The following GLRA1 variants were observed in gnomAD, a reference collection of about 807,000 sequenced individuals.
GLRA1 encodes the protein glycine receptor subunit alpha-1.
GLRA1 carries 37 observed loss-of-function variants against 48.3 expected under a neutral mutation model. The ratio of observed to expected loss-of-function variants is 0.77; its 90% confidence interval spans 0.59 to 1.01. The LOEUF (loss-of-function observed/expected upper bound fraction) is 1.01, where lower values mean the gene tolerates loss of function less well. GLRA1 is among the 50% of genes least tolerant of loss of function. The pLI is 0.00. For missense variants in GLRA1, 427 were observed against 571.0 expected, an observed-to-expected ratio of 0.75 and a Z score of 2.57; for synonymous variants, 196 against 210.7, an observed-to-expected ratio of 0.93 and a Z score of 0.60.
At chr5:151,848,116 CTGCT>C (rs1254088958) in intron 7 of GLRA1, among the ~76,000 whole-genome samples, 1 of 152,204 alleles carries the variant, frequency 6.6e-6, no homozygotes, top group Non-Finnish European at 1.5e-5. Flanking sequence ...TAGAAAGGGC[CTGCT>C]TGCAAGGTTG....
At chr5:151,910,179 C>T (rs1474424417) in intron 1 of GLRA1, among the ~76,000 whole-genome samples, 1 of 152,208 alleles carries the variant, frequency 6.6e-6, no homozygotes, top group African/African-American at 2.4e-5. Context: ...CAAGACGGCA[C>T]TGGTTTGGGT....
At chr5:151,841,565 A>G (rs920184754) in intron 7 of GLRA1, among the ~76,000 whole-genome samples, 16 of 152,318 alleles carry the variant, frequency 1.1e-4, no homozygotes, top group African/African-American at 3.8e-4. Context: ...AAAAATTAGC[A>G]AAATTGAATA....
chr5:151,846,401 A>G (rs960742430), intron 7 of GLRA1, among the ~76,000 whole-genome samples: 2 of 152,244 alleles, frequency 1.3e-5, no homozygotes, highest in Middle Eastern at 3.2e-3. Flanking sequence ...CATAAGGAAA[A>G]GAAAGCAGAA....
chr5:151,847,755 A>G (rs1019909044), intron 7 of GLRA1, among the ~76,000 whole-genome samples: 1 of 152,136 alleles, frequency 6.6e-6, no homozygotes, highest in East Asian at 1.9e-4. Flanking sequence ...ATTAAGCAGA[A>G]TGCAAGATCT....
At chr5:151,840,136 C>T (rs1763678793) in intron 7 of GLRA1, among the ~76,000 whole-genome samples, 1 of 151,694 alleles carries the variant, frequency 6.6e-6, no homozygotes, top group Non-Finnish European at 1.5e-5. Flanking sequence ...CTTTGTCACC[C>T]AGGCTGGAGT....
intron 2 of GLRA1, among the ~76,000 whole-genome samples, chr5:151,889,353 A>G (rs544027246): frequency 6.6e-6 from 1 of 152,374 alleles, no homozygotes; most frequent in South Asian, 2.1e-4. Flanking sequence ...AAAGTCATAA[A>G]GAAGACACAG....
intron 1 of GLRA1, among the ~76,000 whole-genome samples, chr5:151,899,561 G>A (rs1223422376): frequency 1.3e-5 from 2 of 152,042 alleles, no homozygotes; most frequent in Admixed American, 1.3e-4. Context: ...TCCCATCCCC[G>A]GCTCTGACCC....
chr5:151,916,937 G>A (rs1263215737), intron 1 of GLRA1, among the ~76,000 whole-genome samples: 1 of 152,148 alleles, frequency 6.6e-6, no homozygotes, highest in African/African-American at 2.4e-5. Context: ...GTGTGTTTGT[G>A]TTTATGAGAA....
chr5:151,917,496 T>C (rs531939274), intron 1 of GLRA1, among the ~76,000 whole-genome samples: 13 of 152,352 alleles, frequency 8.5e-5, no homozygotes, highest in South Asian at 2.1e-4. Flanking sequence ...TATTTAGGAC[T>C]TGATGAGTTT....
chr5:151,855,959 C>G (rs1753030647), intron 5 of GLRA1, among the ~76,000 whole-genome samples: 1 of 152,210 alleles, frequency 6.6e-6, no homozygotes, highest in African/African-American at 2.4e-5. Flanking sequence ...GTTATTTGTG[C>G]AGTCAGTTGT....
chr5:151,881,548 C>A (rs1456918557), intron 3 of GLRA1, among the ~76,000 whole-genome samples: 7 of 144,996 alleles, frequency 4.8e-5, no homozygotes, highest in African/African-American at 1.8e-4. Flanking sequence ...TTTGCCCAGG[C>A]TGGTCTCGAA....
intron 3 of GLRA1, among the ~76,000 whole-genome samples, chr5:151,879,926 G>A (rs1436017263): frequency 6.6e-6 from 1 of 152,124 alleles, no homozygotes; most frequent in Non-Finnish European, 1.5e-5. Flanking sequence ...TGAATCGTTG[G>A]GGGCAGGTCT....
At chr5:151,905,856 GAGCTCTT>G (rs1376766537) in intron 1 of GLRA1, among the ~76,000 whole-genome samples, 1 of 152,172 alleles carries the variant, frequency 6.6e-6, no homozygotes, top group African/African-American at 2.4e-5. Flanking sequence ...GGGAGAAAGC[GAGCTCTT>G]AGTGACAGAT....
rs148952106 is a variant in GLRA1 at position 151,860,003 on chromosome 5, A to G, written c.258T>C (p.Tyr86=). The stretch of plus-strand genomic sequence containing the variant: ...GCTGCCGCAGGAAGATGTTGACCCT[A>G]TAGTCCTACAGCCAGGAAATAACAA... ...FGSIAETTMD[Y]RVNIFLRQQW... The change falls in exon 4 of 9, where the codon TAT becomes TAC. Residue 86 remains tyrosine, a synonymous_variant. Coordinates refer to ENST00000274576, the MANE Select transcript of GLRA1 (RefSeq NM_000171.4). 1.9e-6 allele frequency: 3 copies of G among 1,612,168 alleles called. No individual in the cohort carries two copies. Among genetic ancestry groups the G allele is most frequent in the South Asian group, 1.1e-5 (1 of 91,028 alleles).
chr5:151,907,390 A>G (rs1299047641), intron 1 of GLRA1, among the ~76,000 whole-genome samples: 4 of 152,198 alleles, frequency 2.6e-5, no homozygotes, highest in African/African-American at 7.2e-5. Context: ...ATTTTACTTC[A>G]CTTCTGCAGT....
chr5:151,880,617 G>C (rs1348879082), intron 3 of GLRA1, among the ~76,000 whole-genome samples: 2 of 151,746 alleles, frequency 1.3e-5, no homozygotes, highest in Admixed American at 6.6e-5. Context: ...CTCTCACTCT[G>C]TCTCTCTCTC....
intron 4 of GLRA1, among the ~76,000 whole-genome samples, chr5:151,857,145 C>G (rs895108798): frequency 6.6e-6 from 1 of 152,272 alleles, no homozygotes; most frequent in African/African-American, 2.4e-5. Context: ...ACCTCAGTGA[C>G]CTGGTGGCCA....
intron 1 of GLRA1, among the ~76,000 whole-genome samples, chr5:151,897,599 A>G (rs892890538): frequency 3.3e-5 from 5 of 152,192 alleles, no homozygotes; most frequent in Non-Finnish European, 7.3e-5. Context: ...TTATTGCAAT[A>G]GATGCACTGA....
At position 151,880,076 on chromosome 5, in the gene GLRA1, A is replaced by G. The variant is rs1581639730; in HGVS notation, c.252+6645T>C. Among the ~76,000 whole-genome samples the G allele has an allele frequency of 2.0e-5, 3 of 152,326 alleles. No individual in the cohort carries two copies. The South Asian group carries it at 6.2e-4, about 32-fold the overall frequency. On this transcript the variant is annotated intron_variant, in intron 3 of 8. Coordinates refer to ENST00000274576, the MANE Select transcript of GLRA1 (RefSeq NM_000171.4). ...GACTTGCTCTTCCTTGCCTTCCACCATGATTGTAAGACTTCCCTAGCCATG... is the reference window on the plus strand; with the variant it reads ...GACTTGCTCTTCCTTGCCTTCCACCGTGATTGTAAGACTTCCCTAGCCATG...
Sources: allele counts gnomAD v4.1 joint callset (sites outside exome capture counted in the v4.1 genomes callset), GRCh38; gene constraint gnomAD v4.1.1; transcripts MANE v1.5; gene names NCBI Gene and HGNC (gene_info 2026-07-23, HGNC 2026-07-21).